Variants in DYNC1I2 observed in about 807,000 individuals in gnomAD.
DYNC1I2 encodes the protein cytoplasmic dynein 1 intermediate chain 2.
In DYNC1I2, 53 loss-of-function variants were observed where a neutral mutation model predicts 88.6. That is an observed-to-expected ratio of 0.60 (90% CI 0.48 to 0.75). The LOEUF (loss-of-function observed/expected upper bound fraction) is 0.75, where lower values mean the gene tolerates loss of function less well. Among genes scored for constraint, DYNC1I2 ranks in the 30% least tolerant of loss-of-function variants. The pLI is 0.00. For missense variants in DYNC1I2, 458 were observed against 766.6 expected, an observed-to-expected ratio of 0.60 and a Z score of 4.75; for synonymous variants, 198 against 254.6, an observed-to-expected ratio of 0.78 and a Z score of 2.12.
intron 15 of DYNC1I2, among the ~76,000 whole-genome samples, chr2:171,740,657 T>C (rs1209894385): frequency 1.3e-5 from 2 of 152,210 alleles, no homozygotes; most frequent in Non-Finnish European, 2.9e-5. Context: ...TTTTTGGTAT[T>C]TGTTCTGTAT....
chr2:171,692,105 C>T (rs1461432190), intron 2 of DYNC1I2, among the ~76,000 whole-genome samples: 1 of 152,024 alleles, frequency 6.6e-6, no homozygotes, highest in African/African-American at 2.4e-5. Context: ...AAAACTTTTC[C>T]TTGGAAAGCT....
At chr2:171,713,537 T>A (rs1389042817) in intron 6 of DYNC1I2, among the ~76,000 whole-genome samples, 1 of 152,116 alleles carries the variant, frequency 6.6e-6, no homozygotes, top group Non-Finnish European at 1.5e-5. Context: ...CTTGTTCTTT[T>A]AGAAGTTAGT....
chr2:171,704,681 G>C (rs1207965415), intron 3 of DYNC1I2, among the ~76,000 whole-genome samples: 2 of 152,162 alleles, frequency 1.3e-5, no homozygotes, highest in African/African-American at 2.4e-5. Flanking sequence ...TTGAGAACCT[G>C]TGAGTTGATT....
rs142654805 is a variant in DYNC1I2, at chr2:171,692,299, G to C, written c.109-478G>C. On this transcript the variant is annotated intron_variant, in intron 2 of 17. Coordinates refer to ENST00000397119, the MANE Select transcript of DYNC1I2 (RefSeq NM_001378.3). ...AAAACACAATCCCAAATAAAATGAA[G>C]ACTTTATACAGAAGTTTGTGATACT... Among the ~76,000 whole-genome samples the C allele has an allele frequency of 3.4e-4, 51 of 152,182 alleles. 1 individual carries two copies. The Middle Eastern group carries it at 0.01, about 30-fold the overall frequency.
intron 7 of DYNC1I2, among the ~76,000 whole-genome samples, chr2:171,721,285 C>T (rs1372240782): frequency 6.6e-6 from 1 of 151,848 alleles, no homozygotes; most frequent in Non-Finnish European, 1.5e-5. Flanking sequence ...GTATTTTTCC[C>T]TTGTTGAAGA....
At chr2:171,726,158 C>T in intron 9 of DYNC1I2, 36 bp from the exon 10 acceptor site, 1 of 1,586,010 alleles carries the variant, frequency 6.3e-7, no homozygotes, top group South Asian at 1.2e-5. Flanking sequence ...AAAGTTATAA[C>T]ACCATCTTTT....
intron 1 of DYNC1I2, among the ~76,000 whole-genome samples, chr2:171,689,882 C>CTTTTTTTTTTTTTTTTT (rs10716223): frequency 1.8e-5 from 1 of 54,156 alleles, no homozygotes; most frequent in Non-Finnish European, 3.3e-5. Flanking sequence ...TTTTTCTTGC[C>CTTTTTTTTTTTTTTTTT]TTTTTTTTTT....
intron 15 of DYNC1I2, among the ~76,000 whole-genome samples, chr2:171,730,372 A>G (rs1458648507): frequency 1.3e-5 from 2 of 152,348 alleles, no homozygotes; most frequent in Admixed American, 6.5e-5. Context: ...GCATGGATGC[A>G]TATATTTTTT....
intron 5 of DYNC1I2, 154 bp from the exon 6 acceptor site, chr2:171,712,613 T>A: frequency 1.7e-6 from 1 of 576,390 alleles, no homozygotes; most frequent in South Asian, 2.5e-5. Flanking sequence ...GGATTTCTTG[T>A]TTTGTTTTCG....
chr2:171,719,899 A>G (rs890522390), intron 7 of DYNC1I2, among the ~76,000 whole-genome samples: 24 of 152,220 alleles, frequency 1.6e-4, no homozygotes, highest in African/African-American at 5.8e-4. Flanking sequence ...TCAGCAGGTG[A>G]AAAGCTTCTC....
chr2:171,733,459 C>CTTTTTTTTTTTTT (rs61079902), intron 15 of DYNC1I2, among the ~76,000 whole-genome samples: 14 of 55,772 alleles, frequency 2.5e-4, no homozygotes, highest in Non-Finnish European at 3.5e-4. Flanking sequence ...TTGCCAGCAT[C>CTTTTTTTTTTTTT]TTTTTTTTTT....
chr2:171,699,659 A>G (rs913640684), intron 3 of DYNC1I2, among the ~76,000 whole-genome samples: 1 of 150,532 alleles, frequency 6.6e-6, no homozygotes, highest in Non-Finnish European at 1.5e-5. Flanking sequence ...TGCAGTTTAG[A>G]GACAGGGTCT....
chr2:171,707,255 A>G, intron 4 of DYNC1I2, 32 bp from the exon 5 acceptor site: 2 of 1,613,698 alleles, frequency 1.2e-6, no homozygotes, highest in Non-Finnish European at 1.7e-6. Context: ...TCCGTGTAGT[A>G]ACAGCGGATA....
At chr2:171,696,973 CTA>C (rs1022318209) in intron 3 of DYNC1I2, among the ~76,000 whole-genome samples, 2 of 151,652 alleles carry the variant, frequency 1.3e-5, no homozygotes, top group Admixed American at 6.6e-5. Context: ...CATTGCATTG[CTA>C]TATGTTTTTA....
intron 3 of DYNC1I2, among the ~76,000 whole-genome samples, chr2:171,695,806 A>C (rs1387727658): frequency 6.7e-6 from 1 of 150,148 alleles, no homozygotes; most frequent in Non-Finnish European, 1.5e-5. Flanking sequence ...TACAAAGTTT[A>C]CCCGCCCGCT....
chr2:171,718,329 A>G (rs573143170), intron 7 of DYNC1I2, among the ~76,000 whole-genome samples: 2 of 152,188 alleles, frequency 1.3e-5, no homozygotes, highest in African/African-American at 2.4e-5. Flanking sequence ...GTGGTATATC[A>G]TAGAGAATTT....
intron 2 of DYNC1I2, among the ~76,000 whole-genome samples, chr2:171,690,848 G>A (rs1685352523): frequency 6.6e-6 from 1 of 151,642 alleles, no homozygotes; most frequent in Non-Finnish European, 1.5e-5. Flanking sequence ...TAGAGACGAG[G>A]TTTTGCCATG....
intron 5 of DYNC1I2, among the ~76,000 whole-genome samples, chr2:171,710,397 G>A (rs898131686): frequency 6.6e-6 from 1 of 152,154 alleles, no homozygotes; most frequent in South Asian, 2.1e-4. Flanking sequence ...ATGAAGACAT[G>A]TGAGATGTGT....
intron 7 of DYNC1I2, among the ~76,000 whole-genome samples, chr2:171,720,979 C>T (rs530799502): frequency 1.3e-5 from 2 of 151,482 alleles, no homozygotes; most frequent in East Asian, 1.9e-4. Flanking sequence ...GAAAATAAAA[C>T]CCAAATTTTA....
Sources: gnomAD v4.1 joint callset for allele counts (sites outside exome capture counted in the v4.1 genomes callset) on GRCh38, gnomAD v4.1.1 for gene constraint, MANE v1.5 for transcripts, NCBI Gene and HGNC (gene_info 2026-07-23, HGNC 2026-07-21) for gene names.